MCTP2: variants seen among roughly 807,000 people sequenced by gnomAD.
MCTP2 encodes multiple C2 and transmembrane domain-containing protein 2.
In MCTP2, 132 loss-of-function variants were observed where a neutral mutation model predicts 111.6. The observed-to-expected ratio is 1.18, with a 90% CI of 1.03 to 1.37. The LOEUF is 1.37. Among genes scored for constraint, MCTP2 ranks in the 40% most tolerant of loss-of-function variants. The probability of loss-of-function intolerance (pLI) is 0.00; values close to 1 mark genes in which losing one functional copy is unlikely to be tolerated. For missense variants in MCTP2, 1,183 were observed against 1,067.9 expected (o/e 1.11, Z -1.50); for synonymous variants, 395 against 387.7 (o/e 1.02, Z -0.22).
chr15:94,278,746 C>T (rs181596359), intron 1 of MCTP2, among the ~76,000 whole-genome samples: 7 of 150,272 alleles, frequency 4.7e-5, no homozygotes, highest in East Asian at 3.9e-4. Context: ...TCAAGTAGGC[C>T]GTGGTGTCTG....
At chr15:94,244,895 CACAT>C (rs370669775) in intron 1 of MCTP2, among the ~76,000 whole-genome samples, 7 of 116,948 alleles carry the variant, frequency 6.0e-5, no homozygotes, top group East Asian at 2.0e-4. Context: ...TATATGTATA[CACAT>C]ACATATGCAC....
At chr15:94,451,926 G>A (rs948766030) in intron 19 of MCTP2, among the ~76,000 whole-genome samples, 3 of 152,164 alleles carry the variant, frequency 2.0e-5, no homozygotes, top group African/African-American at 7.2e-5. Flanking sequence ...TGTTTATGAA[G>A]CACCTGGAAT....
Position 94,356,221 on chromosome 15 carries a change from G to C in MCTP2, c.1090G>C (p.Glu364Gln). 1 of 1,613,570 alleles carries C rather than the reference G, an allele frequency of 6.2e-7. No homozygotes were observed. The highest frequency in any genetic ancestry group is 8.5e-7 in the Non-Finnish European group (1 of 1,179,690). The change falls in exon 9 of 23, where the codon GAA becomes CAA. Residue 364 changes from glutamate (E) to glutamine (Q), a missense_variant. Coordinates refer to ENST00000357742, the MANE Select transcript of MCTP2 (RefSeq NM_001385001.1). Reference protein sequence around the residue: ...WNGIISITLLEGKNVSGGSMT... With the variant: ...WNGIISITLLQGKNVSGGSMT... ...CGGGATTATAAGTATAACTTTGTTG[G>C]AAGGGAAGAATGTCTCAGGAGGAAG...
chr15:94,472,900 C>G (rs8026498), intron 21 of MCTP2, among the ~76,000 whole-genome samples: 1 of 152,260 alleles, frequency 6.6e-6, no homozygotes, highest in East Asian at 1.9e-4. Context: ...GCATCCTTTG[C>G]AGCAATTTTT....
chr15:94,253,742 T>G (rs1441472901), intron 1 of MCTP2, among the ~76,000 whole-genome samples: 5 of 152,176 alleles, frequency 3.3e-5, no homozygotes, highest in Non-Finnish European at 5.9e-5. Flanking sequence ...TCTTTTTTTT[T>G]TTAATGCACA....
At chr15:94,389,435 G>C (rs1203216424) in intron 14 of MCTP2, among the ~76,000 whole-genome samples, 1 of 152,098 alleles carries the variant, frequency 6.6e-6, no homozygotes, top group Non-Finnish European at 1.5e-5. Context: ...TAGAGATATT[G>C]GAGCAGTTGA....
rs920810587 is a variant in MCTP2, at chr15:94,430,392, A to G, written c.2086-9784A>G. The stretch of plus-strand genomic sequence containing the variant: ...AACAAACAAAAAAAACCCAAAAACA[A>G]TCACACACACACACACACACACACA... On this transcript the variant is annotated intron_variant, in intron 17 of 22. Transcript: ENST00000357742. 1.5e-3 allele frequency among the ~76,000 whole-genome samples: 76 copies of G among 50,386 alleles called. 1 individual carries two copies. The highest frequency in any genetic ancestry group is 3.8e-4 in the Non-Finnish European group (10 of 26,132). The allele number at this position is 50,386 out of a possible 152,430, so 33.1% of individuals were successfully genotyped here.
At chr15:94,303,138 T>G (rs1456639974) in intron 2 of MCTP2, among the ~76,000 whole-genome samples, 1 of 147,328 alleles carries the variant, frequency 6.8e-6, no homozygotes, top group Non-Finnish European at 1.5e-5. Flanking sequence ...AGTTTATATA[T>G]ATATATATAT....
intron 2 of MCTP2, among the ~76,000 whole-genome samples, chr15:94,313,741 C>A (rs1424214813): frequency 6.6e-6 from 1 of 152,036 alleles, no homozygotes; most frequent in Non-Finnish European, 1.5e-5. Flanking sequence ...AACATAGACA[C>A]CTCTCATTCT....
At chr15:94,301,509 G>A (rs937054725) in intron 2 of MCTP2, among the ~76,000 whole-genome samples, 1 of 152,234 alleles carries the variant, frequency 6.6e-6, no homozygotes, top group Non-Finnish European at 1.5e-5. Flanking sequence ...TGTTGATTTG[G>A]AGGATTGGCA....
chr15:94,477,200 C>A (rs2152546735), intron 22 of MCTP2, among the ~76,000 whole-genome samples: 1 of 152,202 alleles, frequency 6.6e-6, no homozygotes, highest in East Asian at 1.9e-4. Flanking sequence ...AAGGATTATT[C>A]TTTTTATTCT....
intron 19 of MCTP2, among the ~76,000 whole-genome samples, chr15:94,457,488 C>T (rs928827708): frequency 3.3e-5 from 5 of 152,120 alleles, no homozygotes; most frequent in African/African-American, 1.2e-4. Context: ...ATGAGGAGAT[C>T]GCAATCAATT....
chr15:94,391,809 A>T (rs1196765904), intron 14 of MCTP2, among the ~76,000 whole-genome samples: 1 of 152,204 alleles, frequency 6.6e-6, no homozygotes, highest in Admixed American at 6.5e-5. Context: ...CTAAGAGAGA[A>T]AGAATGACTG....
rs150082241 is a variant in MCTP2, at chr15:94,329,667, C to T, written c.638-9623C>T. Among the ~76,000 whole-genome samples, 140 of 152,204 alleles carry T rather than the reference C, an allele frequency of 9.2e-4. 1 individual carries two copies. The highest frequency in any genetic ancestry group is 3.2e-3 in the African/African-American group (134 of 41,512). ...CCACCATGACCGGATGACCTCCCAC[C>T]GGGCCCCACCTCCAACATTAGGGAT... On this transcript the variant is annotated intron_variant, in intron 4 of 22. Coordinates refer to ENST00000357742, the MANE Select transcript of MCTP2 (RefSeq NM_001385001.1).
intron 17 of MCTP2, among the ~76,000 whole-genome samples, chr15:94,412,348 G>A (rs1303019992): frequency 2.0e-5 from 3 of 149,950 alleles, no homozygotes; most frequent in Non-Finnish European, 4.4e-5. Flanking sequence ...AAAATAGTTT[G>A]TGAGTCTGTG....
intron 4 of MCTP2, among the ~76,000 whole-genome samples, chr15:94,317,481 T>C (rs79161477): frequency 0.024 from 3,621 of 152,270 alleles, 156 homozygotes; most frequent in African/African-American, 0.083. Flanking sequence ...TATTTTCAGG[T>C]GCCTTTGCCG....
At chr15:94,464,257 T>TATATATATATATATATATATATATA (rs4001978) in intron 20 of MCTP2, among the ~76,000 whole-genome samples, 1 of 44,968 alleles carries the variant, frequency 2.2e-5, no homozygotes, top group African/African-American at 6.0e-5. Context: ...TATATATATA[T>TATATATATATATATATATATATATA]TATATATATA....
At chr15:94,298,774 CTCTCTCTT>C in intron 2 of MCTP2, 44 bp downstream of exon 2, 1 of 1,321,452 alleles carries the variant, frequency 7.6e-7, no homozygotes, top group Non-Finnish European at 1.0e-6. Context: ...CTCTCTCTCT[CTCTCTCTT>C]TCCCTCTCTT....
chr15:94,264,321 A>G (rs113575973), intron 1 of MCTP2, among the ~76,000 whole-genome samples: 4,364 of 152,154 alleles, frequency 0.029, 198 homozygotes, highest in African/African-American at 0.097. Flanking sequence ...AATATTGTCC[A>G]CTTGAGGCTG....
Sources: gnomAD v4.1 joint callset for allele counts (sites outside exome capture counted in the v4.1 genomes callset) on GRCh38, gnomAD v4.1.1 for gene constraint, MANE v1.5 for transcripts, NCBI Gene and HGNC (gene_info 2026-07-23, HGNC 2026-07-21) for gene names.